ELAVL2: variants seen among roughly 807,000 people sequenced by gnomAD.
ELAVL2 encodes the protein ELAV like RNA binding protein 2.
Under a neutral mutation model 34.6 loss-of-function variants are expected in ELAVL2, and 4 were observed. The observed-to-expected ratio is 0.12, with a 90% CI of 0.06 to 0.26. ELAVL2 has a LOEUF of 0.26. ELAVL2 is among the 10% of genes least tolerant of loss of function. The probability of loss-of-function intolerance (pLI) is 1.00; values close to 1 mark genes in which losing one functional copy is unlikely to be tolerated. For synonymous variants in ELAVL2, 193 were observed against 154.8 expected, an observed-to-expected ratio of 1.25 and a Z score of -1.83; for missense variants, 432 against 442.8, an observed-to-expected ratio of 0.98 and a Z score of 0.22.
intron 3 of ELAVL2, among the ~76,000 whole-genome samples, chr9:23,718,218 T>C (rs1465314355): frequency 4.5e-4 from 69 of 152,258 alleles, no homozygotes; most frequent in Non-Finnish European, 2.6e-4. Flanking sequence ...ACAAATAATC[T>C]TCCTCTTAAA....
chr9:23,821,073 G>A (rs1264942531), intron 1 of ELAVL2, among the ~76,000 whole-genome samples: 1 of 152,218 alleles, frequency 6.6e-6, no homozygotes, highest in South Asian at 2.1e-4. Context: ...AGGCGCCGTA[G>A]CAAGTGGGCA....
In ELAVL2 at chr9:23,770,361, G is replaced by A. The variant is rs78099305; in HGVS notation, c.-15-8112C>T. ...TATGGGCTGGCTGCTGTGATAGGAA[G>A]AAAAATCCCCTTCCCCTCAATGTCT... is the stretch of plus-strand genomic sequence containing the variant. On this transcript the variant is annotated intron_variant, in intron 1 of 6. Transcript: ENST00000397312. Among the ~76,000 whole-genome samples the A allele has an allele frequency of 9.8e-4, 149 of 152,230 alleles. 1 individual carries two copies. In the East Asian group the frequency reaches 0.016, roughly 16 times the overall value.
At chr9:23,770,292 G>T (rs1328439059) in intron 1 of ELAVL2, among the ~76,000 whole-genome samples, 1 of 152,186 alleles carries the variant, frequency 6.6e-6, no homozygotes, top group Admixed American at 6.5e-5. Context: ...TAAACAAGCA[G>T]GCCTCAATGA....
At chr9:23,750,063 T>A (rs944655080) in intron 2 of ELAVL2, among the ~76,000 whole-genome samples, 2 of 150,966 alleles carry the variant, frequency 1.3e-5, no homozygotes. Flanking sequence ...TAAAAGTCGG[T>A]TGTCCAACTA....
At chr9:23,806,678 T>C (rs1247713249) in intron 1 of ELAVL2, among the ~76,000 whole-genome samples, 1 of 152,078 alleles carries the variant, frequency 6.6e-6, no homozygotes, top group African/African-American at 2.4e-5. Context: ...AACAAAGTTA[T>C]AAGAATCACT....
intron 1 of ELAVL2, among the ~76,000 whole-genome samples, chr9:23,792,000 C>A (rs1261804546): frequency 6.6e-6 from 1 of 152,190 alleles, no homozygotes; most frequent in Non-Finnish European, 1.5e-5. Context: ...CCCCAACTTA[C>A]ATGGTTTGAC....
chr9:23,756,462 T>C (rs2053577275), intron 2 of ELAVL2, among the ~76,000 whole-genome samples: 1 of 152,102 alleles, frequency 6.6e-6, no homozygotes, highest in Non-Finnish European at 1.5e-5. Context: ...CCTGAGGTCT[T>C]CCACCAACTA....
chr9:23,761,966 C>T (rs549362756), intron 2 of ELAVL2, 40 bp downstream of exon 2: 64 of 1,561,518 alleles, frequency 4.1e-5, no homozygotes, highest in Non-Finnish European at 4.9e-5. Flanking sequence ...TCTTGAGACA[C>T]GATCCGTTAA....
At chr9:23,702,951 CAAAAAAAAAAAAAAAA>C (rs58828236) in intron 4 of ELAVL2, among the ~76,000 whole-genome samples, 3 of 47,626 alleles carry the variant, frequency 6.3e-5, no homozygotes, top group South Asian at 1.8e-3. Context: ...ATCAGATTAG[CAAAAAAAAAAAAAAAA>C]AAAAAAAAAA....
intron 3 of ELAVL2, among the ~76,000 whole-genome samples, chr9:23,727,626 C>T (rs2045548831): frequency 6.6e-6 from 1 of 152,070 alleles, no homozygotes; most frequent in African/African-American, 2.4e-5. Context: ...CCCGGAATCT[C>T]ACCTGTGGAC....
At chr9:23,749,746 G>T (rs557977558) in intron 2 of ELAVL2, among the ~76,000 whole-genome samples, 1 of 152,136 alleles carries the variant, frequency 6.6e-6, no homozygotes, top group Non-Finnish European at 1.5e-5. Flanking sequence ...AAAGAAGAGA[G>T]AAGTGGGACT....
chr9:23,770,260 G>A (rs539606776), intron 1 of ELAVL2, among the ~76,000 whole-genome samples: 3 of 152,192 alleles, frequency 2.0e-5, no homozygotes, highest in Non-Finnish European at 4.4e-5. Flanking sequence ...ATGTGGAGAT[G>A]AAGACGGGTA....
At chr9:23,693,406 C>G in intron 6 of ELAVL2, 42 bp downstream of exon 6, 2 of 1,611,650 alleles carry the variant, frequency 1.2e-6, no homozygotes, top group Non-Finnish European at 8.5e-7. Flanking sequence ...AACCAATCAA[C>G]TGTGGAAAGG....
intron 1 of ELAVL2, among the ~76,000 whole-genome samples, chr9:23,771,072 T>C (rs758516273): frequency 2.6e-5 from 4 of 152,058 alleles, no homozygotes; most frequent in Non-Finnish European, 5.9e-5. Flanking sequence ...TGAAAATAAA[T>C]TGTGTGTGGG....
At chr9:23,816,042 A>C (rs1194839916) in intron 1 of ELAVL2, among the ~76,000 whole-genome samples, 1 of 152,096 alleles carries the variant, frequency 6.6e-6, no homozygotes, top group Non-Finnish European at 1.5e-5. Context: ...CTATTTCCCA[A>C]ATGGAACCTC....
Position 23,701,446 on chromosome 9 carries a change from A to G in ELAVL2, c.646T>C (p.Ser216Pro). 2 of 1,614,132 alleles carry G rather than the reference A, an allele frequency of 1.2e-6. No individual in the cohort carries two copies. Among genetic ancestry groups the G allele is most frequent in the Non-Finnish European group, 8.5e-7 (1 of 1,180,010 alleles). Residue 216 changes from serine (S) to proline (P), a missense_variant, in exon 5 of 7, where the codon TCC (serine) becomes CCC (proline). Around this residue, in one of 3 missense-constraint regions of ELAVL2, gnomAD observed 295 missense variants for 306.1 expected, o/e 0.96. Transcript: ENST00000397312. ...CTGTTTGGAGACTGGTACAGCTGGG[A>G]AAGGATGGCCTGATTGGTTTTTTGG... ...PSQKTNQAIL[S>P]QLYQSPNRRY...
chr9:23,694,873 CGT>C (rs539172313), intron 5 of ELAVL2, among the ~76,000 whole-genome samples: 4 of 151,640 alleles, frequency 2.6e-5, no homozygotes, highest in African/African-American at 4.8e-5. Context: ...GTGCGTGGTG[CGT>C]GTGTGTGTGT....
chr9:23,704,751 T>C (rs1274958319), intron 4 of ELAVL2, among the ~76,000 whole-genome samples, 167 bp downstream of exon 4: 2 of 152,294 alleles, frequency 1.3e-5, no homozygotes, highest in African/African-American at 4.8e-5. Flanking sequence ...ACAATCTATT[T>C]TTATCCATGC....
chr9:23,816,317 T>TAAAAAAAAAAAAAAAAA (rs10717104), intron 1 of ELAVL2, among the ~76,000 whole-genome samples: 1 of 44,696 alleles, frequency 2.2e-5, no homozygotes, highest in Non-Finnish European at 3.8e-5. Flanking sequence ...AAGCTTTCAG[T>TAAAAAAAAAAAAAAAAA]AAAAAAAAAA....
Sources: gnomAD v4.1 joint callset for allele counts (sites outside exome capture counted in the v4.1 genomes callset) on GRCh38, gnomAD v4.1.1 for gene constraint, gnomAD v4.1.1 regional missense constraint, MANE v1.5 for transcripts, NCBI Gene and HGNC (gene_info 2026-07-23, HGNC 2026-07-21) for gene names.